PI4KA: variants seen among roughly 807,000 people sequenced by gnomAD.
The protein encoded by PI4KA is PI4-kinase alpha.
In PI4KA, 122 loss-of-function variants were observed where a neutral mutation model predicts 271.4. The ratio of observed to expected loss-of-function variants is 0.45; its 90% CI spans 0.39 to 0.52. PI4KA has a LOEUF of 0.52. Ranked by LOEUF, PI4KA falls within the 20% of genes least tolerant of loss-of-function variation. The pLI, the probability that PI4KA is intolerant of heterozygous loss-of-function variation, is 0.00. For synonymous variants in PI4KA, 1,041 were observed against 1,078.8 expected (o/e 0.96, Z 0.69); for missense variants, 1,969 against 2,769.1 (o/e 0.71, Z 6.48).
intron 23 of PI4KA, among the ~76,000 whole-genome samples, chr22:20,755,439 T>C (rs1931179343): frequency 6.6e-6 from 1 of 152,170 alleles, no homozygotes; most frequent in South Asian, 2.1e-4. Context: ...TGGAGAATAC[T>C]ATTTAGAAAC....
rs1334929098 is a variant in PI4KA at position 20,707,818 on chromosome 22, A to C, written c.*229T>G. 2.1e-5 allele frequency: 13 copies of C among 614,864 alleles called. No individual in the cohort carries two copies. The highest frequency in any genetic ancestry group is 3.9e-5 in the Non-Finnish European group (13 of 337,494). 38.1% of individuals were successfully genotyped at this position (614,864 alleles called of 1,614,324 possible). A position where few individuals can be genotyped will look rare whatever the true frequency, so the allele number is the denominator to read the frequency against. On this transcript the variant is annotated 3_prime_UTR_variant, in exon 55 of 55. Transcript: ENST00000255882. Reference sequence around the variant, plus strand: ...TAGGGAATATGTCCAGTGCAAACAGAGGACTCACACCTGTGCATAGACAGC... The same window carrying C: ...TAGGGAATATGTCCAGTGCAAACAGCGGACTCACACCTGTGCATAGACAGC...
intron 6 of PI4KA, 136 bp downstream of exon 6, chr22:20,819,505 T>C: frequency 1.2e-6 from 1 of 805,798 alleles, no homozygotes; most frequent in Non-Finnish European, 2.0e-6. Flanking sequence ...AGACAAGTCT[T>C]TGTATTAAAG....
intron 3 of PI4KA, among the ~76,000 whole-genome samples, chr22:20,827,056 T>C (rs1923516506): frequency 6.6e-6 from 1 of 152,210 alleles, no homozygotes; most frequent in Non-Finnish European, 1.5e-5. Context: ...TAGGTCCCAT[T>C]TGTCAATTTT....
chr22:20,712,368 T>G, intron 50 of PI4KA, 118 bp downstream of exon 50: 1 of 1,550,320 alleles, frequency 6.5e-7, no homozygotes, highest in Non-Finnish European at 8.7e-7. Context: ...GTGCCCTGGT[T>G]TTAACCCTTA....
intron 9 of PI4KA, among the ~76,000 whole-genome samples, chr22:20,809,081 C>G (rs1352897728): frequency 6.6e-6 from 1 of 152,146 alleles, no homozygotes; most frequent in African/African-American, 2.4e-5. Context: ...CAGACAACGT[C>G]TGGTGGTCCT....
At position 20,764,932 on chromosome 22, in the gene PI4KA, G is replaced by A; in HGVS notation, c.2593C>T (p.Arg865Cys). 2 of 1,610,242 alleles carry A rather than the reference G, an allele frequency of 1.2e-6. No individual in the cohort carries two copies. The highest frequency in any genetic ancestry group is 2.2e-5 in the East Asian group (1 of 44,782). The change falls in exon 22 of 55, where the codon CGC becomes TGC. Residue 865 changes from arginine to cysteine, a missense_variant. Physicochemically the swap from Arg to Cys is radical, Grantham distance 180. Transcript: ENST00000255882. ...TVTPAELSEL[R>C]STIINLLDPP... ...TCCAGCAGGTTGATGATAGTGCTGC[G>A]GAGCTCACTCAGCTCAGCCTGGAGG...
chr22:20,750,051 G>A (rs895481347), intron 27 of PI4KA, 57 bp from the exon 28 acceptor site: 16 of 1,113,908 alleles, frequency 1.4e-5, no homozygotes, highest in Non-Finnish European at 1.9e-5. Context: ...CTGAGCTGCC[G>A]TAGTGACTGT....
intron 19 of PI4KA, among the ~76,000 whole-genome samples, chr22:20,788,277 G>T (rs1934399596): frequency 6.6e-6 from 1 of 152,160 alleles, no homozygotes; most frequent in South Asian, 2.1e-4. Flanking sequence ...GTGCAGGTTG[G>T]CTGGACTCCA....
chr22:20,739,351 C>CA (rs1000385222), intron 32 of PI4KA, among the ~76,000 whole-genome samples: 5 of 138,904 alleles, frequency 3.6e-5, no homozygotes, highest in Admixed American at 7.2e-5. Context: ...AAAAAAAAAA[C>CA]AAAAAAAAGC....
At position 20,729,161 on chromosome 22, in the gene PI4KA, G is replaced by C. The variant is rs1210889058; in HGVS notation, c.4682+152C>G. The C allele has an allele frequency of 4.6e-6, 3 of 652,244 alleles. No individual in the cohort carries two copies. In the African/African-American group the frequency reaches 5.5e-5, roughly 12 times the overall value. The allele number at this position is 652,244 out of a possible 1,614,324, so 40.4% of individuals were successfully genotyped here. ...GTTATCTCTGCACAGAAGGGCTCGG[G>C]GAGTGTCCTGGGGCTCGAGGACTAG... On this transcript the variant is annotated intron_variant, in intron 39 of 54. Coordinates refer to ENST00000255882, the MANE Select transcript of PI4KA (RefSeq NM_058004.4).
chr22:20,711,082 C>T (rs1458612030), intron 51 of PI4KA: 7 of 573,276 alleles, frequency 1.2e-5, no homozygotes, highest in Non-Finnish European at 2.2e-5. Flanking sequence ...GGGCACTGAA[C>T]CTGGACCAGC....
At chr22:20,833,657 GTTTT>G (rs361962) in intron 3 of PI4KA, among the ~76,000 whole-genome samples, 4 of 73,072 alleles carry the variant, frequency 5.5e-5, no homozygotes, top group Non-Finnish European at 5.2e-5. Context: ...GTTTGTTTTT[GTTTT>G]TTTTTTTTTT....
At chr22:20,714,745 C>G in intron 45 of PI4KA, 45 bp from the exon 46 acceptor site, 2 of 1,587,576 alleles carry the variant, frequency 1.3e-6, no homozygotes, top group Admixed American at 1.7e-5. Flanking sequence ...TGTGTCACCA[C>G]AGGTGAGCCA....
At chr22:20,755,130 G>A (rs1225366570) in intron 23 of PI4KA, among the ~76,000 whole-genome samples, 1 of 152,120 alleles carries the variant, frequency 6.6e-6, no homozygotes, top group Non-Finnish European at 1.5e-5. Flanking sequence ...CTGTAAGGAA[G>A]GTTCAGCCTT....
At chr22:20,770,475 T>C (rs1243032770) in intron 19 of PI4KA, among the ~76,000 whole-genome samples, 1 of 136,950 alleles carries the variant, frequency 7.3e-6, no homozygotes, top group Non-Finnish European at 1.5e-5. Context: ...ATTGAGCCAC[T>C]GCACTCCAGC....
chr22:20,783,596 GAC>G (rs1933971647), intron 19 of PI4KA, among the ~76,000 whole-genome samples: 1 of 152,242 alleles, frequency 6.6e-6, no homozygotes, highest in East Asian at 1.9e-4. Flanking sequence ...CAGCCTGCAT[GAC>G]ACAGTGAGAC....
chr22:20,833,831 T>G (rs1924528619), intron 3 of PI4KA, among the ~76,000 whole-genome samples: 1 of 151,916 alleles, frequency 6.6e-6, no homozygotes, highest in Non-Finnish European at 1.5e-5. Context: ...GGCTAATTTT[T>G]GTACTTTTAG....
At chr22:20,732,830 G>A in intron 36 of PI4KA, 141 bp downstream of exon 36, 3 of 807,334 alleles carry the variant, frequency 3.7e-6, no homozygotes. Context: ...GGCCTCCAAT[G>A]ACCGTGCAAC....
At position 20,822,563 on chromosome 22, in the gene PI4KA, A is replaced by C. The variant is rs544507592; in HGVS notation, c.456+1763T>G. Among the ~76,000 whole-genome samples the C allele has an allele frequency of 1.1e-4, 17 of 152,248 alleles. No individual in the cohort carries two copies. In the East Asian group the frequency reaches 3.1e-3, roughly 28 times the overall value. The stretch of plus-strand genomic sequence containing the variant: ...TGCTTTCCAGATCTTCATTCACAGC[A>C]CTAGCTTGTTTTGCTCCAATGACAG... On this transcript the variant is annotated intron_variant, in intron 4 of 54. Transcript: ENST00000255882.
Sources: allele counts gnomAD v4.1 joint callset (sites outside exome capture counted in the v4.1 genomes callset), GRCh38; gene constraint gnomAD v4.1.1; transcripts MANE v1.5; gene names NCBI Gene and HGNC (gene_info 2026-07-23, HGNC 2026-07-21).